Variants in NTM observed in about 807,000 individuals in gnomAD.
NTM encodes neurotrimin.
In NTM, 13 loss-of-function variants were observed where a neutral mutation model predicts 42.1. That is an observed-to-expected ratio of 0.31 (90% CI 0.20 to 0.49). The LOEUF is 0.49. NTM is among the 20% of genes least tolerant of loss of function. The pLI is 0.99. For missense variants in NTM, 373 were observed against 452.8 expected (o/e 0.82, Z 1.60); for synonymous variants, 187 against 179.2 (o/e 1.04, Z -0.35).
At chr11:132,320,907 C>G (rs1367874244) in intron 7 of NTM, among the ~76,000 whole-genome samples, 8 of 151,590 alleles carry the variant, frequency 5.3e-5, no homozygotes, top group African/African-American at 9.7e-5. Context: ...CACCCCCCAG[C>G]AGGGCCACAC....
At chr11:131,763,700 T>TG (rs2084608292) in intron 1 of NTM, among the ~76,000 whole-genome samples, 1 of 120,942 alleles carries the variant, frequency 8.3e-6, no homozygotes, top group African/African-American at 3.1e-5. Flanking sequence ...CACAGGCCCA[T>TG]CTCTCTCTCT....
intron 1 of NTM, among the ~76,000 whole-genome samples, chr11:131,835,043 C>A (rs2043310084): frequency 6.6e-6 from 1 of 152,040 alleles, no homozygotes; most frequent in South Asian, 2.1e-4. Context: ...AAAAATACAG[C>A]AGCAAAGAAG....
intron 1 of NTM, among the ~76,000 whole-genome samples, chr11:131,643,261 T>C (rs1292946527): frequency 6.6e-6 from 1 of 152,220 alleles, no homozygotes; most frequent in Non-Finnish European, 1.5e-5. Flanking sequence ...GATGATTCTA[T>C]CAACAGGAGA....
At chr11:131,958,193 C>T (rs888131102) in intron 2 of NTM, among the ~76,000 whole-genome samples, 39 of 152,062 alleles carry the variant, frequency 2.6e-4, no homozygotes, top group Non-Finnish European at 4.7e-4. Flanking sequence ...CCCACACATC[C>T]GACCCAATTT....
intron 1 of NTM, among the ~76,000 whole-genome samples, chr11:131,464,121 C>T (rs1300566506): frequency 5.9e-5 from 9 of 152,180 alleles, no homozygotes; most frequent in Non-Finnish European, 5.9e-5. Context: ...GAGGAGGGTG[C>T]AGAGGGGCCA....
rs543003477 is a variant in NTM at position 132,258,185 on chromosome 11, A to G, written c.526+46038A>G. Among the ~76,000 whole-genome samples the G allele has an allele frequency of 2.0e-5, 3 of 152,340 alleles. No homozygotes were observed. The South Asian group carries it at 6.2e-4, about 32-fold the overall frequency. Reference sequence around the variant, plus strand: ...AATGAGCTGGGAGTTGGAAACGCTCAGCTGGAAACGAGTTGGTCTGGCAGA... The same window carrying G: ...AATGAGCTGGGAGTTGGAAACGCTCGGCTGGAAACGAGTTGGTCTGGCAGA... On this transcript the variant is annotated intron_variant, in intron 4 of 8. Transcript: ENST00000683400.
intron 2 of NTM, among the ~76,000 whole-genome samples, chr11:132,106,641 C>T (rs1053045299): frequency 3.9e-5 from 6 of 152,340 alleles, no homozygotes; most frequent in Admixed American, 1.3e-4. Flanking sequence ...TCTGTCTGTA[C>T]CCACAGCCTA....
At chr11:131,414,171 C>T (rs1185921420) in intron 1 of NTM, among the ~76,000 whole-genome samples, 2 of 152,148 alleles carry the variant, frequency 1.3e-5, no homozygotes, top group Non-Finnish European at 2.9e-5. Flanking sequence ...AAAGGTGGGG[C>T]AGCATGAAGC....
At chr11:131,937,988 G>A (rs953369243) in intron 2 of NTM, among the ~76,000 whole-genome samples, 2 of 152,088 alleles carry the variant, frequency 1.3e-5, no homozygotes, top group Non-Finnish European at 2.9e-5. Flanking sequence ...ATCCTAATAG[G>A]CATGCTCTTA....
intron 1 of NTM, among the ~76,000 whole-genome samples, chr11:131,452,197 A>G (rs1320905064): frequency 1.3e-5 from 2 of 152,214 alleles, no homozygotes; most frequent in Non-Finnish European, 2.9e-5. Context: ...GGGCTGAGAA[A>G]TGGAAAGGCA....
chr11:131,912,879 G>A (rs2138015111), intron 2 of NTM, among the ~76,000 whole-genome samples: 1 of 152,302 alleles, frequency 6.6e-6, no homozygotes, highest in South Asian at 2.1e-4. Flanking sequence ...GTGAAGAGGA[G>A]GCAATGTCAA....
At chr11:132,265,069 G>A (rs1445320165) in intron 4 of NTM, among the ~76,000 whole-genome samples, 1 of 152,210 alleles carries the variant, frequency 6.6e-6, no homozygotes, top group Non-Finnish European at 1.5e-5. Context: ...TAGTAGCTAA[G>A]GTGAGAGGAT....
At chr11:131,760,299 T>C (rs776597724) in intron 1 of NTM, among the ~76,000 whole-genome samples, 3 of 152,110 alleles carry the variant, frequency 2.0e-5, no homozygotes, top group Admixed American at 6.6e-5. Flanking sequence ...AGCAGCAGCG[T>C]TTTTATAGAC....
intron 1 of NTM, among the ~76,000 whole-genome samples, chr11:131,905,378 G>A (rs1484230744): frequency 2.0e-5 from 3 of 152,176 alleles, no homozygotes; most frequent in Non-Finnish European, 4.4e-5. Flanking sequence ...GTGAGACACA[G>A]AGCACTCCCG....
intron 1 of NTM, among the ~76,000 whole-genome samples, chr11:131,530,223 A>G (rs2051057109): frequency 6.6e-6 from 1 of 152,198 alleles, no homozygotes; most frequent in African/African-American, 2.4e-5. Context: ...GTAGGTATTT[A>G]ATAAATACTT....
intron 2 of NTM, among the ~76,000 whole-genome samples, chr11:131,988,583 T>C (rs1463273995): frequency 6.6e-6 from 1 of 152,160 alleles, no homozygotes; most frequent in Non-Finnish European, 1.5e-5. Flanking sequence ...GGTTGATGGG[T>C]TTTGTCATCA....
At chr11:131,480,882 C>A (rs369990262) in intron 1 of NTM, among the ~76,000 whole-genome samples, 10 of 151,942 alleles carry the variant, frequency 6.6e-5, no homozygotes, top group Non-Finnish European at 1.3e-4. Context: ...TATATTCTGT[C>A]GGTGAAAAAT....
chr11:131,724,817 G>T (rs2078766378), intron 1 of NTM, among the ~76,000 whole-genome samples: 1 of 152,218 alleles, frequency 6.6e-6, no homozygotes. Flanking sequence ...GGCACAGCCT[G>T]GGGTGGGGAG....
At chr11:131,433,244 G>A (rs1159509055) in intron 1 of NTM, among the ~76,000 whole-genome samples, 2 of 152,064 alleles carry the variant, frequency 1.3e-5, no homozygotes, top group African/African-American at 4.8e-5. Context: ...TGAATCAATT[G>A]TCAGTATTCA....
Sources: allele counts gnomAD v4.1 joint callset (sites outside exome capture counted in the v4.1 genomes callset), GRCh38; gene constraint gnomAD v4.1.1; transcripts MANE v1.5; gene names NCBI Gene and HGNC (gene_info 2026-07-23, HGNC 2026-07-21).